Variants in LDLRAD4 observed in about 807,000 individuals in gnomAD.
LDLRAD4 encodes low density lipoprotein receptor class A domain containing 4, also known as low-density lipoprotein receptor class A domain-containing protein 4.
In LDLRAD4, 5 loss-of-function variants were observed where a neutral mutation model predicts 17.0. The ratio of observed to expected loss-of-function variants is 0.29; its 90% CI spans 0.15 to 0.62. LDLRAD4 has a LOEUF of 0.62. LDLRAD4 is among the 20% of genes least tolerant of loss of function. The pLI is 0.84. For missense variants in LDLRAD4, 340 were observed against 424.7 expected (o/e 0.80, Z 1.75); for synonymous variants, 168 against 171.8 (o/e 0.98, Z 0.17).
upstream of LDLRAD4, chr18:13,218,120 A>C (rs1450516682): frequency 6.6e-6 from 1 of 152,074 alleles, no homozygotes; most frequent in Non-Finnish European, 1.5e-5. Flanking sequence ...AGGTGGCCGC[A>C]GTGGTCGGGG....
At chr18:13,548,247 G>A (rs2094392115) in intron 3 of LDLRAD4, among the ~76,000 whole-genome samples, 2 of 151,610 alleles carry the variant, frequency 1.3e-5, no homozygotes, top group South Asian at 2.1e-4. Context: ...TGGCAGGCCT[G>A]GAAAAAGCAC....
At chr18:13,521,249 GA>G (rs2093949061) in intron 3 of LDLRAD4, 1 of 152,190 alleles carries the variant, frequency 6.6e-6, no homozygotes, top group Non-Finnish European at 1.5e-5. Flanking sequence ...GAACACTTGG[GA>G]ATTGTTCTGT....
At chr18:13,569,697 A>G (rs1260970819) in intron 3 of LDLRAD4, among the ~76,000 whole-genome samples, 1 of 152,180 alleles carries the variant, frequency 6.6e-6, no homozygotes, top group Non-Finnish European at 1.5e-5. Context: ...CAGACTGACC[A>G]ACATGGTGAA....
intron 2 of LDLRAD4, among the ~76,000 whole-genome samples, chr18:13,432,909 G>C (rs1188714410): frequency 6.6e-6 from 1 of 152,174 alleles, no homozygotes; most frequent in Non-Finnish European, 1.5e-5. Flanking sequence ...TAGAGATGGG[G>C]TCTCACCATG....
At chr18:13,548,743 C>T (rs917080146) in intron 3 of LDLRAD4, among the ~76,000 whole-genome samples, 2 of 152,182 alleles carry the variant, frequency 1.3e-5, no homozygotes, top group African/African-American at 4.8e-5. Flanking sequence ...GGCTCCTGCC[C>T]CACCAACTTG....
intron 3 of LDLRAD4, chr18:13,612,664 G>C: frequency 6.2e-7 from 1 of 1,613,586 alleles, no homozygotes; most frequent in Non-Finnish European, 8.5e-7. Context: ...ACGTGGGGGG[G>C]CTGCGTCACA....
intron 1 of LDLRAD4, among the ~76,000 whole-genome samples, chr18:13,371,658 G>T (rs1173364207): frequency 1.3e-5 from 2 of 152,040 alleles, no homozygotes; most frequent in East Asian, 3.9e-4. Context: ...CCAGTGACTT[G>T]GGAGGCTGAG....
At chr18:13,309,719 T>C (rs1030141016) in intron 1 of LDLRAD4, among the ~76,000 whole-genome samples, 1 of 151,460 alleles carries the variant, frequency 6.6e-6, no homozygotes, top group Non-Finnish European at 1.5e-5. Context: ...GCTCGGGAGG[T>C]GTGCATGAGA....
At chr18:13,518,921 ATT>A (rs2147615304) in intron 3 of LDLRAD4, among the ~76,000 whole-genome samples, 1 of 152,178 alleles carries the variant, frequency 6.6e-6, no homozygotes, top group South Asian at 2.1e-4. Flanking sequence ...TCGGGGATGA[ATT>A]TATTCCTAGT....
chr18:13,585,178 T>TGACTAGA (rs2094917657), intron 3 of LDLRAD4, among the ~76,000 whole-genome samples: 1 of 152,240 alleles, frequency 6.6e-6, no homozygotes, highest in East Asian at 1.9e-4. Flanking sequence ...GTAGCTCATA[T>TGACTAGA]CTACCTGTCT....
chr18:13,256,102 T>C (rs913586445), intron 1 of LDLRAD4, among the ~76,000 whole-genome samples: 4 of 152,250 alleles, frequency 2.6e-5, no homozygotes, highest in Admixed American at 6.5e-5. Context: ...AAAGACGTGA[T>C]GTAAAGCACT....
intron 2 of LDLRAD4, among the ~76,000 whole-genome samples, chr18:13,428,497 C>T (rs1210424686): frequency 3.9e-5 from 6 of 152,176 alleles, no homozygotes; most frequent in Non-Finnish European, 2.9e-5. Context: ...CTTGGGTTTT[C>T]ACTCTGAGTA....
chr18:13,329,988 C>CTT (rs1025737677), intron 1 of LDLRAD4, among the ~76,000 whole-genome samples: 3 of 67,212 alleles, frequency 4.5e-5, no homozygotes, highest in Non-Finnish European at 9.8e-5. Context: ...GACAGTCTCA[C>CTT]TCTGTTGCCC....
chr18:13,246,833 G>C (rs1357586294), intron 1 of LDLRAD4, among the ~76,000 whole-genome samples: 1 of 152,136 alleles, frequency 6.6e-6, no homozygotes, highest in East Asian at 1.9e-4. Flanking sequence ...ATAACCTCAG[G>C]GTTAGACAAA....
At chr18:13,290,819 T>C (rs1289743083) in intron 1 of LDLRAD4, among the ~76,000 whole-genome samples, 1 of 152,222 alleles carries the variant, frequency 6.6e-6, no homozygotes, top group Non-Finnish European at 1.5e-5. Flanking sequence ...TACCAGACTT[T>C]GCCTCTAAGA....
At chr18:13,357,365 A>T (rs972056770) in intron 1 of LDLRAD4, among the ~76,000 whole-genome samples, 2 of 151,300 alleles carry the variant, frequency 1.3e-5, no homozygotes, top group African/African-American at 4.9e-5. Context: ...GAGCCCCCAC[A>T]CCCAGTTTGC....
intron 1 of LDLRAD4, among the ~76,000 whole-genome samples, chr18:13,322,226 T>A (rs1165688101): frequency 6.6e-6 from 1 of 151,726 alleles, no homozygotes; most frequent in Non-Finnish European, 1.5e-5. Context: ...ACTTCACAGC[T>A]GATTTTTAAA....
intron 3 of LDLRAD4, chr18:13,489,461 C>T (rs1049793065): frequency 6.6e-6 from 1 of 152,430 alleles, no homozygotes. Context: ...CCCAGTGTCA[C>T]CCATTCTTAC....
intron 1 of LDLRAD4, among the ~76,000 whole-genome samples, chr18:13,324,522 A>C (rs1441395356): frequency 1.3e-5 from 2 of 152,294 alleles, no homozygotes; most frequent in African/African-American, 2.4e-5. Flanking sequence ...CGCAGAGAAC[A>C]GTGGCAGAAC....
Sources: gnomAD v4.1 joint callset for allele counts (sites outside exome capture counted in the v4.1 genomes callset) on GRCh38, gnomAD v4.1.1 for gene constraint, MANE v1.5 for transcripts, NCBI Gene and HGNC (gene_info 2026-07-23, HGNC 2026-07-21) for gene names.